Variants in CAMTA1 observed in about 807,000 individuals in gnomAD.
The protein encoded by CAMTA1 is calmodulin-binding transcription activator 1.
A neutral mutation model predicts 170.9 loss-of-function variants in CAMTA1; 27 were observed. That is an observed-to-expected ratio of 0.16 (90% CI 0.12 to 0.22). The LOEUF is 0.22. Among genes scored for constraint, CAMTA1 ranks in the 10% least tolerant of loss-of-function variants. The pLI is 1.00. For missense variants in CAMTA1, 1,619 were observed against 2,217.2 expected (o/e 0.73, Z 5.42); for synonymous variants, 833 against 891.5 (o/e 0.93, Z 1.17).
At chr1:7,740,530 C>T (rs1320181610) in intron 16 of CAMTA1, among the ~76,000 whole-genome samples, 1 of 152,172 alleles carries the variant, frequency 6.6e-6, no homozygotes, top group African/African-American at 2.4e-5. Context: ...AAGAGGGGAA[C>T]CAACTGAGCA....
intron 3 of CAMTA1, among the ~76,000 whole-genome samples, chr1:7,029,488 CAAAAAAAAA>C (rs55736306): frequency 8.6e-4 from 55 of 63,820 alleles, no homozygotes; most frequent in Middle Eastern, 9.8e-3. Context: ...GACTCTGTCT[CAAAAAAAAA>C]AAAAAAAAAA....
At chr1:6,895,423 A>G (rs1675416140) in intron 3 of CAMTA1, among the ~76,000 whole-genome samples, 2 of 152,058 alleles carry the variant, frequency 1.3e-5, no homozygotes, top group South Asian at 4.1e-4. Flanking sequence ...GATCTGTCAC[A>G]TTTTCCTGTG....
chr1:7,563,487 G>A (rs552503642), intron 6 of CAMTA1, among the ~76,000 whole-genome samples: 27 of 152,252 alleles, frequency 1.8e-4, no homozygotes, highest in South Asian at 8.3e-4. Context: ...ACTAGAGCCT[G>A]CTGTCCAGGC....
At chr1:7,447,658 G>A (rs1285312604) in intron 5 of CAMTA1, among the ~76,000 whole-genome samples, 1 of 152,160 alleles carries the variant, frequency 6.6e-6, no homozygotes, top group Non-Finnish European at 1.5e-5. Flanking sequence ...GAGCAGCCCT[G>A]CCAGTGCCAC....
Position 6,966,075 on chromosome 1 carries a change from G to T in CAMTA1, c.235-125229G>T, listed in dbSNP as rs560795496. Among the ~76,000 whole-genome samples, 12 of 152,244 alleles carry T rather than the reference G, an allele frequency of 7.9e-5. No individual in the cohort carries two copies. In the South Asian group the frequency reaches 2.3e-3, roughly 29 times the overall value. ...GGAGTTAGGCTTCACAGGGCTGCGC[G>T]CTGGCCAGGTGCCTGTCACAGGCTG... On this transcript the variant is annotated intron_variant, in intron 3 of 22. Coordinates refer to ENST00000303635, the MANE Select transcript of CAMTA1 (RefSeq NM_015215.4).
intron 5 of CAMTA1, among the ~76,000 whole-genome samples, chr1:7,402,422 C>A (rs1038554903): frequency 6.6e-6 from 1 of 152,280 alleles, no homozygotes; most frequent in South Asian, 2.1e-4. Flanking sequence ...TTACCCAGCA[C>A]CTGTCAATCT....
chr1:6,869,199 A>G (rs17029968), intron 3 of CAMTA1, among the ~76,000 whole-genome samples: 9,825 of 152,236 alleles, frequency 0.065, 347 homozygotes, highest in Middle Eastern at 0.099. Flanking sequence ...AGAGAGAGGA[A>G]GATGGATAAT....
chr1:7,267,802 C>A (rs1191330865), intron 5 of CAMTA1, among the ~76,000 whole-genome samples: 12 of 152,172 alleles, frequency 7.9e-5, no homozygotes, highest in Non-Finnish European at 5.9e-5. Flanking sequence ...GGCCCTGACA[C>A]AGCTGGTGAG....
In CAMTA1 at chr1:7,015,512, C is replaced by T. The variant is rs531789071; in HGVS notation, c.235-75792C>T. On this transcript the variant is annotated intron_variant, in intron 3 of 22. Coordinates refer to ENST00000303635, the MANE Select transcript of CAMTA1 (RefSeq NM_015215.4). ...ATGCACATAGTGTTGACATTTTTTT[C>T]AGTTTAAAAAATTTTATTTTAAAAA... 2.0e-3 allele frequency among the ~76,000 whole-genome samples: 302 copies of T among 152,202 alleles called. 2 individuals are homozygous for T. The highest frequency in any genetic ancestry group is 6.8e-3 in the African/African-American group (283 of 41,526).
At position 7,435,475 on chromosome 1, in the gene CAMTA1, TCC is replaced by T. The variant is rs1346508844; in HGVS notation, c.439-32354_439-32353del. On this transcript the variant is annotated intron_variant, in intron 5 of 22. Transcript: ENST00000303635. The surrounding 1 kb of genome is among the most constrained non-coding windows in gnomAD (Gnocchi z 4.4). ...CTATTCCTGTTTTGAAACAGAACCTTCCGGTTTGTTGAGGGTTGGGTCATCAT... is the reference window on the plus strand; with the variant it reads ...CTATTCCTGTTTTGAAACAGAACCTTGGTTTGTTGAGGGTTGGGTCATCAT... Among the ~76,000 whole-genome samples the T allele has an allele frequency of 2.6e-5, 4 of 152,150 alleles. No individual in the cohort carries two copies. Among genetic ancestry groups the T allele is most frequent in the Non-Finnish European group, 5.9e-5 (4 of 68,032 alleles).
At chr1:7,103,431 C>CAG (rs1318364351) in intron 4 of CAMTA1, among the ~76,000 whole-genome samples, 1 of 32,130 alleles carries the variant, frequency 3.1e-5, no homozygotes, top group African/African-American at 4.4e-4. Context: ...CACACCTACA[C>CAG]ACACTACACA....
intron 3 of CAMTA1, among the ~76,000 whole-genome samples, chr1:6,960,249 T>C (rs1557887922): frequency 6.6e-6 from 1 of 152,040 alleles, no homozygotes; most frequent in Admixed American, 6.5e-5. Context: ...CCAGAGGAGT[T>C]TTCCTGGGGG....
chr1:6,812,898 C>T (rs1033946625), intron 1 of CAMTA1, among the ~76,000 whole-genome samples: 11 of 152,162 alleles, frequency 7.2e-5, no homozygotes, highest in Admixed American at 7.2e-4. Flanking sequence ...TGCTTTTGAA[C>T]TCAATTCTAG....
chr1:6,969,456 G>T (rs996454224), intron 3 of CAMTA1, among the ~76,000 whole-genome samples: 4 of 152,240 alleles, frequency 2.6e-5, no homozygotes, highest in Non-Finnish European at 4.4e-5. Flanking sequence ...ACCTGGTCCG[G>T]CTCCTCCCCC....
At chr1:6,943,846 C>CAAA (rs1198830005) in intron 3 of CAMTA1, among the ~76,000 whole-genome samples, 104 of 51,462 alleles carry the variant, frequency 2.0e-3, no homozygotes, top group East Asian at 2.7e-3. Flanking sequence ...GACTCTGTCT[C>CAAA]AAAAAAAAAA....
intron 4 of CAMTA1, among the ~76,000 whole-genome samples, chr1:7,156,500 T>A (rs1236476838): frequency 6.6e-6 from 1 of 152,152 alleles, no homozygotes; most frequent in Non-Finnish European, 1.5e-5. Flanking sequence ...CCCTTCAAAA[T>A]GAGCTCCCTC....
rs192806426 is a variant in CAMTA1 at position 7,759,041 on chromosome 1, C to T, written c.4989+3373C>T. ...TTGAAAAATAATATTTTCCCAGCTA[C>T]TGGAGGCTGAGGTGGGAGGATTGCT... On this transcript the variant is annotated intron_variant, in intron 22 of 22. Transcript: ENST00000303635. Among the ~76,000 whole-genome samples the T allele has an allele frequency of 8.6e-5, 13 of 151,698 alleles. No homozygotes were observed. The East Asian group carries it at 2.3e-3, about 27-fold the overall frequency.
intron 3 of CAMTA1, among the ~76,000 whole-genome samples, chr1:6,957,166 C>A (rs1689603075): frequency 6.6e-6 from 1 of 152,178 alleles, no homozygotes; most frequent in Admixed American, 6.5e-5. Flanking sequence ...TGCCGCAGAT[C>A]TAAGGGGGAA....
intron 4 of CAMTA1, among the ~76,000 whole-genome samples, chr1:7,174,305 A>G (rs1407230029): frequency 6.6e-6 from 1 of 152,270 alleles, no homozygotes; most frequent in Non-Finnish European, 1.5e-5. Context: ...AAAAATAAAA[A>G]GAAACTCAAG....
Sources: gnomAD v4.1 joint callset for allele counts (sites outside exome capture counted in the v4.1 genomes callset) on GRCh38, gnomAD v4.1.1 for gene constraint, Gnocchi (gnomAD v3.1) non-coding constraint, MANE v1.5 for transcripts, NCBI Gene and HGNC (gene_info 2026-07-23, HGNC 2026-07-21) for gene names.